Variants in EYS observed in about 807,000 individuals in gnomAD.
EYS encodes the protein protein eyes shut homolog.
A neutral mutation model predicts 282.1 loss-of-function variants in EYS; 250 were observed. The ratio of observed to expected loss-of-function variants is 0.89; its 90% CI spans 0.80 to 0.98. The LOEUF is 0.98. Among genes scored for constraint, EYS ranks in the 50% least tolerant of loss-of-function variants. The pLI, the probability that EYS is intolerant of heterozygous loss-of-function variation, is 0.00. For missense variants in EYS, 4,016 were observed against 3,709.0 expected (o/e 1.08, Z -2.15); for synonymous variants, 1,355 against 1,282.9 (o/e 1.06, Z -1.20).
chr6:65,554,425 T>A (rs894181455), intron 2 of EYS, among the ~76,000 whole-genome samples: 1 of 152,188 alleles, frequency 6.6e-6, no homozygotes, highest in Admixed American at 6.5e-5. Context: ...CTTGCTTTTA[T>A]ACTGATATCA....
At chr6:65,406,722 C>T (rs1026457420) in intron 5 of EYS, among the ~76,000 whole-genome samples, 3 of 151,870 alleles carry the variant, frequency 2.0e-5, no homozygotes, top group South Asian at 2.1e-4. Context: ...TAAAACTGAC[C>T]TATTATATGC....
chr6:64,705,330 A>G (rs1393380353), intron 22 of EYS, among the ~76,000 whole-genome samples: 1 of 151,974 alleles, frequency 6.6e-6, no homozygotes, highest in African/African-American at 2.4e-5. Context: ...AGGAAATCAT[A>G]GATAAACAAA....
intron 31 of EYS, among the ~76,000 whole-genome samples, chr6:64,221,649 C>T (rs112208723): frequency 1.3e-5 from 2 of 152,200 alleles, no homozygotes; most frequent in African/African-American, 4.8e-5. Context: ...CAAATGCCAT[C>T]CAAAAATATT....
chr6:64,325,315 A>G (rs1464710475), intron 29 of EYS, among the ~76,000 whole-genome samples: 2 of 152,200 alleles, frequency 1.3e-5, no homozygotes, highest in African/African-American at 4.8e-5. Context: ...AAGAGAGATA[A>G]CAATCATTGC....
At chr6:64,965,206 G>A (rs1309598427) in intron 14 of EYS, among the ~76,000 whole-genome samples, 1 of 152,036 alleles carries the variant, frequency 6.6e-6, no homozygotes, top group Admixed American at 6.5e-5. Flanking sequence ...TGTATTAAAT[G>A]ATCTGCATCC....
chr6:64,632,205 A>T (rs1767806478), intron 22 of EYS, among the ~76,000 whole-genome samples: 1 of 152,092 alleles, frequency 6.6e-6, no homozygotes, highest in African/African-American at 2.4e-5. Flanking sequence ...TATGTAAATG[A>T]CTTCATACAA....
intron 2 of EYS, among the ~76,000 whole-genome samples, chr6:65,553,262 A>T (rs1283580264): frequency 6.6e-6 from 1 of 152,208 alleles, no homozygotes; most frequent in Admixed American, 6.5e-5. Context: ...CAGTAATCAG[A>T]AACAGTTTAG....
chr6:65,314,784 AT>A (rs1211233146), intron 11 of EYS, among the ~76,000 whole-genome samples: 2 of 152,024 alleles, frequency 1.3e-5, no homozygotes, highest in Non-Finnish European at 2.9e-5. Flanking sequence ...ACTCACATAG[AT>A]TTTTGTTCAT....
chr6:63,971,875 TC>T (rs1766593635), intron 35 of EYS, among the ~76,000 whole-genome samples: 1 of 152,194 alleles, frequency 6.6e-6, no homozygotes, highest in South Asian at 2.1e-4. Flanking sequence ...AAATCACATA[TC>T]TTAAAGCACA....
chr6:64,354,633 T>A (rs1771762502), intron 29 of EYS, among the ~76,000 whole-genome samples: 1 of 151,600 alleles, frequency 6.6e-6, no homozygotes, highest in Non-Finnish European at 1.5e-5. Flanking sequence ...AAATTGCTAT[T>A]CTGAAATTTC....
intron 35 of EYS, among the ~76,000 whole-genome samples, chr6:63,865,108 G>A (rs1772640136): frequency 6.6e-6 from 1 of 152,094 alleles, no homozygotes; most frequent in Non-Finnish European, 1.5e-5. Flanking sequence ...GTCTCCACTC[G>A]GTGCCAATCA....
chr6:65,400,418 T>C (rs759660239), intron 7 of EYS, among the ~76,000 whole-genome samples: 5 of 151,942 alleles, frequency 3.3e-5, no homozygotes, highest in Non-Finnish European at 7.4e-5. Flanking sequence ...AATTATTCCT[T>C]TTCCTTTCCT....
intron 33 of EYS, 102 bp downstream of exon 33, chr6:64,066,236 C>G (rs1771363724): frequency 8.8e-6 from 9 of 1,023,886 alleles, no homozygotes; most frequent in South Asian, 1.6e-5. Flanking sequence ...TGAGATCACA[C>G]CACTGCGCTC....
intron 13 of EYS, among the ~76,000 whole-genome samples, chr6:65,044,083 G>A (rs1392434882): frequency 2.0e-5 from 3 of 151,496 alleles, no homozygotes; most frequent in African/African-American, 7.3e-5. Context: ...ATGCTAAGAG[G>A]AGTAAAGTGA....
At chr6:65,691,945 T>C (rs1418737002) in intron 1 of EYS, among the ~76,000 whole-genome samples, 2 of 150,184 alleles carry the variant, frequency 1.3e-5, no homozygotes, top group Non-Finnish European at 3.0e-5. Context: ...TATATATCTG[T>C]TTTGGCACCA....
chr6:64,994,661 GAGTT>G lies in EYS; in HGVS notation c.2259+2917_2259+2920del, dbSNP rs557909727. ...ATTTTATGTTTTTTCTTTTACCAAT[GAGTT>G]AGTAAAAGCAAGTAAATATAAAACT... On this transcript the variant is annotated intron_variant, in intron 14 of 42. Transcript: ENST00000503581. Among the ~76,000 whole-genome samples, 13 of 151,994 alleles carry G rather than the reference GAGTT, an allele frequency of 8.6e-5. 2 individuals carry two copies. Among genetic ancestry groups the G allele is most frequent in the African/African-American group, 2.9e-4 (12 of 41,454 alleles).
chr6:64,863,830 C>G (rs1766327315), intron 19 of EYS, among the ~76,000 whole-genome samples: 1 of 152,106 alleles, frequency 6.6e-6, no homozygotes, highest in Admixed American at 6.6e-5. Context: ...AAATCTAGGG[C>G]TCGTGCATAT....
intron 22 of EYS, among the ~76,000 whole-genome samples, chr6:64,778,207 A>G (rs1305389629): frequency 6.6e-6 from 1 of 152,278 alleles, no homozygotes; most frequent in East Asian, 1.9e-4. Context: ...TAATTGTCTG[A>G]ATCTTCTAGT....
chr6:65,682,789 A>G (rs987644703), intron 1 of EYS, among the ~76,000 whole-genome samples: 6 of 151,914 alleles, frequency 3.9e-5, no homozygotes, highest in African/African-American at 1.2e-4. Flanking sequence ...AGACAAGGAG[A>G]AGGAAAGGCC....
Sources: allele counts gnomAD v4.1 joint callset (sites outside exome capture counted in the v4.1 genomes callset), GRCh38; gene constraint gnomAD v4.1.1; transcripts MANE v1.5; gene names NCBI Gene and HGNC (gene_info 2026-07-23, HGNC 2026-07-21).